DOCK1: variants seen among roughly 807,000 people sequenced by gnomAD.
DOCK1 encodes the protein dedicator of cytokinesis protein 1.
Under a neutral mutation model 262.7 loss-of-function variants are expected in DOCK1, and 138 were observed. The observed-to-expected ratio is 0.53, with a 90% CI of 0.46 to 0.61. The LOEUF is 0.61. DOCK1 is among the 20% of genes least tolerant of loss of function. The pLI, the probability that DOCK1 is intolerant of heterozygous loss-of-function variation, is 0.00. For missense variants in DOCK1, 1,908 were observed against 2,370.7 expected, an observed-to-expected ratio of 0.80 and a Z score of 4.05; for synonymous variants, 866 against 867.4, an observed-to-expected ratio of 1.00 and a Z score of 0.03.
chr10:127,145,320 T>G (rs2133360152), intron 27 of DOCK1, among the ~76,000 whole-genome samples: 1 of 152,288 alleles, frequency 6.6e-6, no homozygotes, highest in African/African-American at 2.4e-5. Context: ...ACCCCATGAC[T>G]AACAGCACCG....
At chr10:127,064,068 G>A (rs532318313) in intron 23 of DOCK1, among the ~76,000 whole-genome samples, 26 of 152,334 alleles carry the variant, frequency 1.7e-4, no homozygotes, top group African/African-American at 6.3e-4. Context: ...CAGTTTTGCT[G>A]TGTCTAAATG....
chr10:126,905,662 G>T (rs1207605633), intron 1 of DOCK1, 99 bp downstream of exon 1: 1 of 170,726 alleles, frequency 5.9e-6, no homozygotes, highest in South Asian at 1.8e-4. Flanking sequence ...AGCGGCCGCC[G>T]GGCCGGGGAG....
At chr10:127,104,745 A>G (rs987086349) in intron 23 of DOCK1, among the ~76,000 whole-genome samples, 1 of 152,236 alleles carries the variant, frequency 6.6e-6, no homozygotes, top group East Asian at 1.9e-4. Flanking sequence ...GCAGAGCCAG[A>G]GTCAGATCAC....
chr10:127,081,081 T>G (rs1332045258), intron 23 of DOCK1, among the ~76,000 whole-genome samples: 1 of 152,226 alleles, frequency 6.6e-6, no homozygotes, highest in Non-Finnish European at 1.5e-5. Flanking sequence ...TCAGAGACTG[T>G]AAGACCCATC....
chr10:127,315,062 A>G (rs61027604), intron 29 of DOCK1, among the ~76,000 whole-genome samples: 2,481 of 151,514 alleles, frequency 0.016, 72 homozygotes, highest in African/African-American at 0.058. Flanking sequence ...CAGGGCCTGA[A>G]ACCTGGGAGG....
intron 27 of DOCK1, among the ~76,000 whole-genome samples, chr10:127,206,514 T>C (rs1466340968): frequency 6.6e-6 from 1 of 152,180 alleles, no homozygotes; most frequent in Non-Finnish European, 1.5e-5. Flanking sequence ...ATGTACAGAA[T>C]TGTTTGTTGT....
intron 23 of DOCK1, among the ~76,000 whole-genome samples, chr10:127,075,722 A>G (rs938372018): frequency 1.8e-4 from 28 of 152,134 alleles, no homozygotes; most frequent in Non-Finnish European, 1.5e-5. Context: ...ACTCACTGTC[A>G]TGAGAACGGC....
intron 3 of DOCK1, among the ~76,000 whole-genome samples, chr10:126,981,038 C>G (rs1453852311): frequency 6.6e-6 from 1 of 150,538 alleles, no homozygotes; most frequent in Admixed American, 6.6e-5. Context: ...ACCTCCACTT[C>G]CCGGGTTCAA....
intron 5 of DOCK1, among the ~76,000 whole-genome samples, chr10:126,989,407 G>A (rs2039641111): frequency 6.6e-6 from 1 of 152,074 alleles, no homozygotes; most frequent in Non-Finnish European, 1.5e-5. Flanking sequence ...GCTCCCTGCA[G>A]TCTTAACCTC....
Position 127,438,942 on chromosome 10 carries a change from C to T in DOCK1, c.5061-85C>T, listed in dbSNP as rs1441201176. On this transcript the variant is annotated intron_variant, in intron 48 of 51. Coordinates refer to ENST00000623213, the MANE Select transcript of DOCK1 (RefSeq NM_001290223.2). Reference sequence around the variant, plus strand: ...TCACTGCTTTCATTGTAAATGTCTTCGATGGATTGTGAGTGACTTTACACG... The same window carrying T: ...TCACTGCTTTCATTGTAAATGTCTTTGATGGATTGTGAGTGACTTTACACG... 1.9e-5 allele frequency: 26 copies of T among 1,347,024 alleles called. No homozygotes were observed. In the Middle Eastern group the frequency reaches 6.7e-4, roughly 35 times the overall value. The allele number at this position is 1,347,024 out of a possible 1,614,324, so 83.4% of individuals were successfully genotyped here. A position where few individuals can be genotyped will look rare whatever the true frequency, so the allele number is the denominator to read the frequency against.
chr10:127,120,520 CT>C (rs2049490442), intron 25 of DOCK1, among the ~76,000 whole-genome samples: 1 of 152,154 alleles, frequency 6.6e-6, no homozygotes, highest in African/African-American at 2.4e-5. Context: ...ATTTTACATT[CT>C]TTTTATGATA....
intron 32 of DOCK1, among the ~76,000 whole-genome samples, chr10:127,358,440 C>G (rs902304046): frequency 4.6e-5 from 7 of 152,182 alleles, no homozygotes; most frequent in Non-Finnish European, 1.0e-4. Flanking sequence ...TTACCCAGCT[C>G]CTGAGTTATT....
At chr10:127,414,055 G>A (rs2068016352) in intron 43 of DOCK1, among the ~76,000 whole-genome samples, 1 of 152,082 alleles carries the variant, frequency 6.6e-6, no homozygotes. Flanking sequence ...GAGACTATAG[G>A]CACATGCCAC....
intron 27 of DOCK1, among the ~76,000 whole-genome samples, chr10:127,130,861 G>C (rs1255341355): frequency 2.6e-5 from 4 of 152,186 alleles, no homozygotes; most frequent in African/African-American, 9.6e-5. Flanking sequence ...ACACGATGCT[G>C]ATGGCCGTGG....
At chr10:127,192,252 ATAAAT>A (rs2056811432) in intron 27 of DOCK1, among the ~76,000 whole-genome samples, 1 of 152,232 alleles carries the variant, frequency 6.6e-6, no homozygotes, top group Admixed American at 6.5e-5. Flanking sequence ...GCTCTATAAA[ATAAAT>A]ATTCACAAAT....
At chr10:127,166,111 G>A (rs943288025) in intron 27 of DOCK1, among the ~76,000 whole-genome samples, 1 of 152,096 alleles carries the variant, frequency 6.6e-6, no homozygotes, top group Non-Finnish European at 1.5e-5. Flanking sequence ...TGTAGCGTAG[G>A]CTGGAGTGCA....
In DOCK1 at chr10:127,268,675, G is replaced by A. The variant is rs549604658; in HGVS notation, c.3044+11246G>A. ...AATAGCAGCTAGCTGCTGAAGATAG[G>A]ACTGGTCTTCACTTATTAGGGGGGT... On this transcript the variant is annotated intron_variant, in intron 29 of 51. Transcript: ENST00000623213. Among the ~76,000 whole-genome samples, 121 of 152,206 alleles carry A rather than the reference G, an allele frequency of 7.9e-4. 2 individuals carry two copies. The highest frequency in any genetic ancestry group is 5.0e-3 in the South Asian group (24 of 4,812).
At chr10:127,036,981 G>GAAAAAAAAAAAAAAAAAAAA in intron 18 of DOCK1, among the ~76,000 whole-genome samples, 1 of 128,036 alleles carries the variant, frequency 7.8e-6, no homozygotes, top group Non-Finnish European at 1.6e-5. Flanking sequence ...CCATCTCAAG[G>GAAAAAAAAAAAAAAAAAAAA]AAAAAAAAAA....
At chr10:127,377,370 G>T (rs888541651) in intron 35 of DOCK1, among the ~76,000 whole-genome samples, 2 of 152,088 alleles carry the variant, frequency 1.3e-5, no homozygotes, top group African/African-American at 4.8e-5. Context: ...AATGAATATA[G>T]ATGTATACAT....
Sources: gnomAD v4.1 joint callset for allele counts (sites outside exome capture counted in the v4.1 genomes callset) on GRCh38, gnomAD v4.1.1 for gene constraint, MANE v1.5 for transcripts, NCBI Gene and HGNC (gene_info 2026-07-23, HGNC 2026-07-21) for gene names.